The following RAC2 variants were observed in gnomAD, a reference collection of about 807,000 sequenced individuals.
RAC2 encodes the protein Rac family small GTPase 2.
Under a neutral mutation model 24.0 loss-of-function variants are expected in RAC2, and 1 was observed. That is an observed-to-expected ratio of 0.04 (90% CI 0.01 to 0.20). The LOEUF is 0.20. RAC2 is among the 10% of genes least tolerant of loss of function. The probability of loss-of-function intolerance (pLI) is 1.00; values close to 1 mark genes in which losing one functional copy is unlikely to be tolerated. For synonymous variants in RAC2, 114 were observed against 106.8 expected (o/e 1.07, Z -0.41); for missense variants, 130 against 259.1 (o/e 0.50, Z 3.42).
chr22:37,231,089 C>G lies in RAC2; in HGVS notation c.448+142G>C. 1 of 1,024,624 alleles carries G rather than the reference C, an allele frequency of 9.8e-7. No individual in the cohort carries two copies. Among genetic ancestry groups the G allele is most frequent in the East Asian group, 2.5e-5 (1 of 39,736 alleles). The allele number at this position is 1,024,624 out of a possible 1,614,324, so 63.5% of individuals were successfully genotyped here. A position where few individuals can be genotyped will look rare whatever the true frequency, so the allele number is the denominator to read the frequency against. ...GCAGAGAGAGGCTACGTGACTCGCC[C>G]AAGGTCACACAGCAAGTGCACAGCA... On this transcript the variant is annotated intron_variant, in intron 5 of 6. Coordinates refer to ENST00000249071, the MANE Select transcript of RAC2 (RefSeq NM_002872.5). This position sits in a 1 kb window ranked among gnomAD's most constrained non-coding sequence, Gnocchi z 5.5.
At chr22:37,237,209 A>AAGGG (rs1244460595) in intron 2 of RAC2, among the ~76,000 whole-genome samples, 1 of 127,228 alleles carries the variant, frequency 7.9e-6, no homozygotes. Flanking sequence ...GGAAGGGAGG[A>AAGGG]AGGGAGGGAG....
At chr22:37,240,724 G>A (rs747562884) in intron 2 of RAC2, 16 of 417,988 alleles carry the variant, frequency 3.8e-5, no homozygotes, top group Non-Finnish European at 5.8e-5. Context: ...TCACTCTGGG[G>A]AGTGGAGACC....
At chr22:37,228,787 T>G (rs1357280241) in intron 5 of RAC2, among the ~76,000 whole-genome samples, 1 of 151,854 alleles carries the variant, frequency 6.6e-6, no homozygotes, top group African/African-American at 2.4e-5. Context: ...GGCCAGGTGC[T>G]GGGGAGAAAG....
chr22:37,231,208 C>T lies in RAC2; in HGVS notation c.448+23G>A. 1.2e-6 allele frequency: 2 copies of T among 1,612,576 alleles called. No homozygotes were observed. Among genetic ancestry groups the T allele is most frequent in the Non-Finnish European group, 1.7e-6 (2 of 1,179,948 alleles). ...AGGGCCTCCCCTGCAGCCAGATCGC[C>T]CCTCTGAGCCCGAGGCCCATACCAA... On this transcript the variant is annotated intron_variant, in intron 5 of 6. Transcript: ENST00000249071. This position sits in a 1 kb window ranked among gnomAD's most constrained non-coding sequence, Gnocchi z 5.5.
chr22:37,233,285 T>G (rs1218737819), intron 2 of RAC2, among the ~76,000 whole-genome samples: 1 of 151,954 alleles, frequency 6.6e-6, no homozygotes, highest in Non-Finnish European at 1.5e-5. Context: ...GTTTTTTGTT[T>G]GTTTGTTTGT....
intron 3 of RAC2, chr22:37,232,296 A>G: frequency 4.0e-6 from 2 of 505,836 alleles, no homozygotes; most frequent in Non-Finnish European, 7.2e-6. Flanking sequence ...CAGAGGTTAA[A>G]GAGTTTGCCA....
intron 3 of RAC2, chr22:37,232,524 T>G (rs1927097327): frequency 2.0e-6 from 1 of 506,522 alleles, no homozygotes; most frequent in African/African-American, 1.9e-5. Flanking sequence ...CTGTGCAGAA[T>G]CCACCTGCCC....
In RAC2 at chr22:37,231,033, T is replaced by C. The variant is rs1210277643; in HGVS notation, c.448+198A>G. 6.6e-6 allele frequency among the ~76,000 whole-genome samples: 1 copy of C among 152,198 alleles called. No homozygotes were observed. The highest frequency in any genetic ancestry group is 1.5e-5 in the Non-Finnish European group (1 of 68,038). ...CACCCCAGGAGGCAGGAGCTATCAC[T>C]ATCCCATGCTTTTCTGATAAGGAAA... On this transcript the variant is annotated intron_variant, in intron 5 of 6. Coordinates refer to ENST00000249071, the MANE Select transcript of RAC2 (RefSeq NM_002872.5). The surrounding 1 kb of genome is among the most constrained non-coding windows in gnomAD (Gnocchi z 5.5).
intron 2 of RAC2, among the ~76,000 whole-genome samples, chr22:37,239,030 G>A (rs541605007): frequency 1.3e-5 from 2 of 152,180 alleles, no homozygotes; most frequent in Non-Finnish European, 2.9e-5. Context: ...AATCTCAGGT[G>A]CCAGAGATTT....
chr22:37,228,599 AC>A (rs1926957833), intron 5 of RAC2, among the ~76,000 whole-genome samples: 1 of 152,228 alleles, frequency 6.6e-6, no homozygotes, highest in Non-Finnish European at 1.5e-5. Flanking sequence ...GACGCTGGTC[AC>A]CACCTACCCT....
chr22:37,241,747 A>G, intron 1 of RAC2, 89 bp from the exon 2 acceptor site: 1 of 1,194,986 alleles, frequency 8.4e-7, no homozygotes, highest in Non-Finnish European at 1.2e-6. Flanking sequence ...CAAAGACCTC[A>G]GCATCCACCC....
At chr22:37,235,689 A>G (rs939387282) in intron 2 of RAC2, among the ~76,000 whole-genome samples, 1 of 152,226 alleles carries the variant, frequency 6.6e-6, no homozygotes, top group Admixed American at 6.5e-5. Context: ...GCATGATGGG[A>G]AAAGCCACAC....
chr22:37,241,813 TC>T (rs1268250727), intron 1 of RAC2, among the ~76,000 whole-genome samples, 155 bp from the exon 2 acceptor site: 3 of 152,220 alleles, frequency 2.0e-5, no homozygotes, highest in Non-Finnish European at 4.4e-5. Context: ...GTCTGTGTTC[TC>T]ACACCCGAGA....
intron 5 of RAC2, 72 bp from the exon 6 acceptor site, chr22:37,226,875 T>TGCCATACAACCCCTTCCAC: frequency 6.3e-7 from 1 of 1,575,248 alleles, no homozygotes; most frequent in Non-Finnish European, 8.7e-7. Context: ...ATGTCTCCTA[T>TGCCATACAACCCCTTCCAC]GCCATACAAC....
chr22:37,238,318 C>T (rs1049448701), intron 2 of RAC2, among the ~76,000 whole-genome samples: 8 of 152,086 alleles, frequency 5.3e-5, no homozygotes, highest in Non-Finnish European at 1.2e-4. Flanking sequence ...CTCAATGCAG[C>T]CGCACCCTCC....
At position 37,231,532 on chromosome 22, in the gene RAC2, G is replaced by A. The variant is rs1162062006; in HGVS notation, c.289-142C>T. 3 of 752,924 alleles carry A rather than the reference G, an allele frequency of 4.0e-6. No individual in the cohort carries two copies. The African/African-American group carries it at 5.2e-5, about 13-fold the overall frequency. The allele number at this position is 752,924 out of a possible 1,614,324, so 46.6% of individuals were successfully genotyped here. On this transcript the variant is annotated intron_variant, in intron 4 of 6. Coordinates refer to ENST00000249071, the MANE Select transcript of RAC2 (RefSeq NM_002872.5). This position sits in a 1 kb window ranked among gnomAD's most constrained non-coding sequence, Gnocchi z 5.5. ...AGATCAGAGGTGGGCACGACGGTGA[G>A]GAGAGAGAGACGTGAGGTGGCACAG...
intron 5 of RAC2, among the ~76,000 whole-genome samples, chr22:37,230,608 A>C (rs1314572431): frequency 6.6e-6 from 1 of 152,136 alleles, no homozygotes; most frequent in East Asian, 1.9e-4. Context: ...TGGCTGGGCC[A>C]CCTACTAGCT....
chr22:37,226,569 T>C, intron 6 of RAC2, 102 bp downstream of exon 6: 1 of 1,485,990 alleles, frequency 6.7e-7, no homozygotes, highest in Non-Finnish European at 9.1e-7. Context: ...ACCCACCTTC[T>C]TTCTGTCCTG....
chr22:37,229,567 C>T (rs1328538328), intron 5 of RAC2, among the ~76,000 whole-genome samples: 1 of 152,210 alleles, frequency 6.6e-6, no homozygotes, highest in Non-Finnish European at 1.5e-5. Context: ...ACTTGTCATC[C>T]CAGGGCTGGG....
Sources: allele counts gnomAD v4.1 joint callset (sites outside exome capture counted in the v4.1 genomes callset), GRCh38; gene constraint gnomAD v4.1.1; non-coding constraint Gnocchi (gnomAD v3.1); transcripts MANE v1.5; gene names NCBI Gene and HGNC (gene_info 2026-07-23, HGNC 2026-07-21).